The following TIMP3 variants were observed in gnomAD, a reference collection of about 807,000 sequenced individuals.
TIMP3 encodes the protein TIMP metallopeptidase inhibitor 3, also known as metalloproteinase inhibitor 3.
A neutral mutation model predicts 30.0 loss-of-function variants in TIMP3; 11 were observed. That is an observed-to-expected ratio of 0.37 (90% CI 0.23 to 0.61). The LOEUF is 0.61. Among genes scored for constraint, TIMP3 ranks in the 20% least tolerant of loss-of-function variants. TIMP3 has a pLI of 0.70. For missense variants in TIMP3, 181 were observed against 276.8 expected (o/e 0.65, Z 2.45); for synonymous variants, 112 against 111.3 (o/e 1.01, Z -0.04).
rs1336813370 is a variant in TIMP3, at chr22:32,804,321, C to T, written c.121+2199C>T. 2.6e-5 allele frequency among the ~76,000 whole-genome samples: 4 copies of T among 152,160 alleles called. No individual in the cohort carries two copies. In the East Asian group the frequency reaches 5.8e-4, roughly 22 times the overall value. ...CTCGCCTTGCACAGCACCCTGCTGGCGTCCAGTACTTGGCTCCCAAGTTTC... is the reference window on the plus strand; with the variant it reads ...CTCGCCTTGCACAGCACCCTGCTGGTGTCCAGTACTTGGCTCCCAAGTTTC... On this transcript the variant is annotated intron_variant, in intron 1 of 4. Coordinates refer to ENST00000266085, the MANE Select transcript of TIMP3 (RefSeq NM_000362.5).
At position 32,847,281 on chromosome 22, in the gene TIMP3, G is replaced by A. The variant is rs192407499; in HGVS notation, c.122-2171G>A. 2.4e-4 allele frequency among the ~76,000 whole-genome samples: 36 copies of A among 152,302 alleles called. No individual in the cohort carries two copies. The East Asian group carries it at 2.9e-3, about 12-fold the overall frequency. On this transcript the variant is annotated intron_variant, in intron 1 of 4. Coordinates refer to ENST00000266085, the MANE Select transcript of TIMP3 (RefSeq NM_000362.5). ...GGGGCCTCCGGGAGGCTGGCTTGTC[G>A]CCGAGAATACTACCGCAATGTTAGA...
chr22:32,823,245 T>C (rs1176666792), intron 1 of TIMP3, among the ~76,000 whole-genome samples: 3 of 152,152 alleles, frequency 2.0e-5, no homozygotes, highest in Admixed American at 2.0e-4. Flanking sequence ...GACTTGTAAG[T>C]CCCGTGGTCA....
At chr22:32,826,336 G>T (rs1281941887) in intron 1 of TIMP3, among the ~76,000 whole-genome samples, 2 of 152,156 alleles carry the variant, frequency 1.3e-5, no homozygotes, top group East Asian at 3.9e-4. Flanking sequence ...GGCTGAGGCA[G>T]GAGAATCGCT....
intron 1 of TIMP3, chr22:32,833,962 A>G: frequency 8.3e-6 from 4 of 481,252 alleles, no homozygotes; most frequent in South Asian, 6.0e-5. Context: ...AAAGTGGGGA[A>G]CTACCCACAT....
Position 32,861,179 on chromosome 22 carries a change from A to G in TIMP3, c.*1802A>G, listed in dbSNP as rs1024972413. ...GCTGCCAATTGAAACAGAAGAAGAAAAAAAAAAAAAGCAGCAGACAACACA... is the reference window on the plus strand; with the variant it reads ...GCTGCCAATTGAAACAGAAGAAGAAGAAAAAAAAAAGCAGCAGACAACACA... On this transcript the variant is annotated 3_prime_UTR_variant, in exon 5 of 5. Transcript: ENST00000266085. The G allele has an allele frequency of 1.2e-4, 18 of 150,448 alleles. No individual in the cohort carries two copies. The highest frequency in any genetic ancestry group is 4.2e-4 in the South Asian group (2 of 4,802). The allele number at this position is 150,448 out of a possible 1,614,324, so 9.3% of individuals were successfully genotyped here.
intron 1 of TIMP3, among the ~76,000 whole-genome samples, chr22:32,827,129 G>A (rs1461491378): frequency 6.6e-6 from 1 of 152,188 alleles, no homozygotes; most frequent in East Asian, 1.9e-4. Flanking sequence ...AGCCTCTCCT[G>A]CTGTTTCCTT....
rs182545934 is a variant in TIMP3 at position 32,856,051 on chromosome 22, A to G, written c.205-1198A>G. 8.5e-5 allele frequency among the ~76,000 whole-genome samples: 13 copies of G among 152,326 alleles called. No individual in the cohort carries two copies. In the East Asian group the frequency reaches 2.3e-3, roughly 27 times the overall value. On this transcript the variant is annotated intron_variant, in intron 2 of 4. Coordinates refer to ENST00000266085, the MANE Select transcript of TIMP3 (RefSeq NM_000362.5). ...TGAATTCAACGTTCACCAGCCAAAT[A>G]GAATTTCTATAAAGTGGGGTTTGTA... is the stretch of plus-strand genomic sequence containing the variant.
At chr22:32,811,865 T>C (rs1032239741) in intron 1 of TIMP3, among the ~76,000 whole-genome samples, 1 of 152,136 alleles carries the variant, frequency 6.6e-6, no homozygotes, top group Non-Finnish European at 1.5e-5. Context: ...ACAGCTCCCA[T>C]TGATAAGCAG....
intron 1 of TIMP3, among the ~76,000 whole-genome samples, chr22:32,833,112 C>A (rs2047625977): frequency 6.6e-6 from 1 of 152,138 alleles, no homozygotes; most frequent in Non-Finnish European, 1.5e-5. Context: ...GTCCTACCAG[C>A]AGTAAAAAGA....
intron 1 of TIMP3, among the ~76,000 whole-genome samples, chr22:32,831,225 T>C (rs915261389): frequency 1.3e-5 from 2 of 152,132 alleles, no homozygotes; most frequent in African/African-American, 4.8e-5. Context: ...AAACACCTTT[T>C]TCTGAGACTC....
intron 1 of TIMP3, among the ~76,000 whole-genome samples, chr22:32,824,671 A>G (rs1288493487): frequency 3.3e-5 from 5 of 152,224 alleles, no homozygotes; most frequent in African/African-American, 4.8e-5. Flanking sequence ...AGTTACTTGT[A>G]TTCGTTGAAT....
intron 1 of TIMP3, among the ~76,000 whole-genome samples, chr22:32,832,331 G>A (rs1309961134): frequency 6.6e-6 from 1 of 152,164 alleles, no homozygotes; most frequent in African/African-American, 2.4e-5. Flanking sequence ...AAAGTGATGG[G>A]ACTCTTAGAT....
intron 1 of TIMP3, among the ~76,000 whole-genome samples, chr22:32,833,125 C>T (rs561436139): frequency 2.0e-5 from 3 of 152,268 alleles, no homozygotes; most frequent in Non-Finnish European, 2.9e-5. Context: ...TAAAAAGATT[C>T]CAAGTGGGGA....
At chr22:32,841,184 G>C (rs149457977) in intron 1 of TIMP3, among the ~76,000 whole-genome samples, 1 of 152,160 alleles carries the variant, frequency 6.6e-6, no homozygotes, top group African/African-American at 2.4e-5. Flanking sequence ...GGCACTCTTC[G>C]GGCAGCTTTG....
chr22:32,813,509 AC>A, intron 1 of TIMP3, among the ~76,000 whole-genome samples: 2 of 149,842 alleles, frequency 1.3e-5, no homozygotes, highest in African/African-American at 5.0e-5. Context: ...ACACACACAC[AC>A]ACACACACAC....
rs76794139 is a variant in TIMP3, at chr22:32,823,290, A to C, written c.121+21168A>C. Among the ~76,000 whole-genome samples, 1,081 of 152,260 alleles carry C rather than the reference A, an allele frequency of 7.1e-3. 8 individuals carry two copies. The highest frequency in any genetic ancestry group is 0.024 in the African/African-American group (1,007 of 41,524). On this transcript the variant is annotated intron_variant, in intron 1 of 4. Coordinates refer to ENST00000266085, the MANE Select transcript of TIMP3 (RefSeq NM_000362.5). ...TTGCTCTTACGGACCTGACGCTGGA[A>C]ATCCTCTCTCTCCAAGGTCCCTGCA... is the stretch of plus-strand genomic sequence containing the variant.
At chr22:32,823,686 G>A (rs999641859) in intron 1 of TIMP3, among the ~76,000 whole-genome samples, 17 of 152,004 alleles carry the variant, frequency 1.1e-4, no homozygotes, top group Non-Finnish European at 2.2e-4. Flanking sequence ...GAAGAAGCTT[G>A]GTGGGCTCCC....
At chr22:32,807,060 C>T (rs2046760649) in intron 1 of TIMP3, among the ~76,000 whole-genome samples, 1 of 151,184 alleles carries the variant, frequency 6.6e-6, no homozygotes. Flanking sequence ...ATATATAAAA[C>T]TGTCAGAGGA....
intron 2 of TIMP3, among the ~76,000 whole-genome samples, chr22:32,850,207 A>G (rs772041097): frequency 2.6e-5 from 4 of 151,742 alleles, no homozygotes; most frequent in African/African-American, 9.7e-5. Flanking sequence ...TAAGAAAAAG[A>G]ACACCAGATT....
Sources: gnomAD v4.1 joint callset for allele counts (sites outside exome capture counted in the v4.1 genomes callset) on GRCh38, gnomAD v4.1.1 for gene constraint, MANE v1.5 for transcripts, NCBI Gene and HGNC (gene_info 2026-07-23, HGNC 2026-07-21) for gene names.